Variants in GFRA1 observed in about 807,000 individuals in gnomAD.
The protein encoded by GFRA1 is GDNF family receptor alpha 1, also known as GDNF family receptor alpha-1.
Under a neutral mutation model 51.6 loss-of-function variants are expected in GFRA1, and 16 were observed. The ratio of observed to expected loss-of-function variants is 0.31; its 90% confidence interval spans 0.21 to 0.47. The LOEUF (loss-of-function observed/expected upper bound fraction) is 0.47. Ranked by LOEUF, GFRA1 falls within the 20% of genes least tolerant of loss-of-function variation. GFRA1 has a pLI of 1.00. For synonymous variants in GFRA1, 270 were observed against 241.3 expected, an observed-to-expected ratio of 1.12 and a Z score of -1.10; for missense variants, 530 against 594.3, an observed-to-expected ratio of 0.89 and a Z score of 1.13.
At chr10:116,188,141 C>T (rs17094331) in intron 5 of GFRA1, among the ~76,000 whole-genome samples, 5,724 of 152,104 alleles carry the variant, frequency 0.038, 373 homozygotes, top group African/African-American at 0.13. Flanking sequence ...AAGAGGGAAG[C>T]GGACTTGTTC....
At chr10:116,178,683 G>A (rs139034217) in intron 5 of GFRA1, among the ~76,000 whole-genome samples, 58 of 152,290 alleles carry the variant, frequency 3.8e-4, no homozygotes, top group Middle Eastern at 3.4e-3. Context: ...GTGTGTCTTC[G>A]CCAGCATCGG....
chr10:116,216,192 T>C (rs1314717282), intron 4 of GFRA1, among the ~76,000 whole-genome samples: 1 of 152,210 alleles, frequency 6.6e-6, no homozygotes, highest in Non-Finnish European at 1.5e-5. Flanking sequence ...GGGTGATTCC[T>C]AAATGTTGCT....
At chr10:116,133,703 G>T (rs1057265333) in intron 5 of GFRA1, among the ~76,000 whole-genome samples, 2 of 152,316 alleles carry the variant, frequency 1.3e-5, no homozygotes, top group African/African-American at 4.8e-5. Flanking sequence ...CCAGCCAGAG[G>T]GTCTATGCAC....
intron 9 of GFRA1, among the ~76,000 whole-genome samples, chr10:116,073,858 T>G (rs1409515441): frequency 2.0e-5 from 3 of 152,170 alleles, no homozygotes; most frequent in African/African-American, 7.2e-5. Flanking sequence ...AGGTTTGATA[T>G]AAAACACCAC....
At chr10:116,104,672 G>A (rs951120170) in intron 6 of GFRA1, among the ~76,000 whole-genome samples, 2 of 152,236 alleles carry the variant, frequency 1.3e-5, no homozygotes, top group African/African-American at 4.8e-5. Flanking sequence ...CCCGAGGGAA[G>A]TCTAGGTTGG....
chr10:116,158,589 G>A (rs116029294), intron 5 of GFRA1, among the ~76,000 whole-genome samples: 1,859 of 152,274 alleles, frequency 0.012, 41 homozygotes, highest in African/African-American at 0.043. Flanking sequence ...CCACAGGAAG[G>A]GACACCATTA....
In GFRA1 at chr10:116,062,339, T is replaced by C. The variant is rs1383080835; in HGVS notation, c.*2059A>G. ...CAAATATTTTGACACACTTACTTAA[T>C]GTGTTTATTCAAAGTAAGAGTCTTT... On this transcript the variant is annotated 3_prime_UTR_variant, in exon 11 of 11. Coordinates refer to ENST00000355422, the MANE Select transcript of GFRA1 (RefSeq NM_005264.8). 3 of 388,682 alleles carry C rather than the reference T, an allele frequency of 7.7e-6. No individual in the cohort carries two copies. The highest frequency in any genetic ancestry group is 2.1e-5 in the African/African-American group (1 of 48,472). 24.1% of individuals were successfully genotyped at this position (388,682 alleles called of 1,614,324 possible).
intron 5 of GFRA1, among the ~76,000 whole-genome samples, chr10:116,132,651 C>A (rs903391290): frequency 6.6e-6 from 1 of 151,982 alleles, no homozygotes; most frequent in Non-Finnish European, 1.5e-5. Flanking sequence ...GATCCTACTG[C>A]AATGAAGTTA....
intron 5 of GFRA1, among the ~76,000 whole-genome samples, chr10:116,149,563 T>C (rs1447658367): frequency 6.6e-6 from 1 of 152,110 alleles, no homozygotes; most frequent in Non-Finnish European, 1.5e-5. Context: ...TAAAACGTAT[T>C]CTCTCGTTGA....
intron 5 of GFRA1, among the ~76,000 whole-genome samples, chr10:116,181,126 G>A (rs901881679): frequency 1.3e-5 from 2 of 152,180 alleles, no homozygotes; most frequent in Non-Finnish European, 2.9e-5. Flanking sequence ...CAGGTACAAA[G>A]ATGTTATTAT....
intron 5 of GFRA1, among the ~76,000 whole-genome samples, chr10:116,162,554 G>A (rs1959933701): frequency 6.6e-6 from 1 of 152,234 alleles, no homozygotes; most frequent in Non-Finnish European, 1.5e-5. Flanking sequence ...CGGAGGCTCT[G>A]GAGCATGTGA....
chr10:116,131,891 ATT>A (rs1958116964), intron 5 of GFRA1, among the ~76,000 whole-genome samples: 1 of 137,612 alleles, frequency 7.3e-6, no homozygotes, highest in Non-Finnish European at 1.5e-5. Flanking sequence ...CTATGTAAAC[ATT>A]ATCTCAAAAG....
intron 4 of GFRA1, among the ~76,000 whole-genome samples, chr10:116,220,962 TTCTC>T (rs539759407): frequency 4.1e-4 from 63 of 152,304 alleles, no homozygotes; most frequent in Admixed American, 2.9e-3. Flanking sequence ...TTCTCTCTCT[TTCTC>T]TCTAACTAAG....
At chr10:116,273,009 C>G (rs1589931618) in intron 1 of GFRA1, 154 bp downstream of exon 1, 1 of 152,104 alleles carries the variant, frequency 6.6e-6, no homozygotes, top group Non-Finnish European at 1.5e-5. Context: ...AGGTGCAGCC[C>G]GGCGCCACGA....
At chr10:116,243,636 C>A (rs1967600084) in intron 4 of GFRA1, among the ~76,000 whole-genome samples, 1 of 151,530 alleles carries the variant, frequency 6.6e-6, no homozygotes, top group South Asian at 2.1e-4. Context: ...CTGGGCTGCA[C>A]ATTTAAAATC....
chr10:116,271,157 G>A (rs1565695107), intron 2 of GFRA1, 42 bp from the exon 3 acceptor site: 5 of 1,551,602 alleles, frequency 3.2e-6, no homozygotes, highest in South Asian at 1.2e-5. Flanking sequence ...GGCGGGCGGG[G>A]ACCCCGGCCG....
chr10:116,166,823 G>T (rs1474555614), intron 5 of GFRA1, among the ~76,000 whole-genome samples: 2 of 109,216 alleles, frequency 1.8e-5, no homozygotes, highest in South Asian at 6.3e-4. Context: ...TTGTTGAGAC[G>T]GAGTCTCCCT....
chr10:116,085,025 C>T (rs371777526), intron 9 of GFRA1, among the ~76,000 whole-genome samples: 7 of 152,278 alleles, frequency 4.6e-5, no homozygotes, highest in South Asian at 2.1e-4. Context: ...GGGAGCTTGG[C>T]GGGTAACCCA....
chr10:116,071,772 A>G (rs1481642751), intron 9 of GFRA1, among the ~76,000 whole-genome samples: 2 of 152,228 alleles, frequency 1.3e-5, no homozygotes, highest in Non-Finnish European at 2.9e-5. Flanking sequence ...TCACTTAGAA[A>G]TGGTATGTCT....
Sources: gnomAD v4.1 joint callset for allele counts (sites outside exome capture counted in the v4.1 genomes callset) on GRCh38, gnomAD v4.1.1 for gene constraint, MANE v1.5 for transcripts, NCBI Gene and HGNC (gene_info 2026-07-23, HGNC 2026-07-21) for gene names.